Variants in TMEM258 observed in about 807,000 individuals in gnomAD.
The protein encoded by TMEM258 is dolichyl-diphosphooligosaccharide--protein glycosyltransferase subunit TMEM258.
In TMEM258, 11 loss-of-function variants were observed where a neutral mutation model predicts 9.9. The ratio of observed to expected loss-of-function variants is 1.11; its 90% CI spans 0.70 to 1.85. TMEM258 has a LOEUF of 1.85. TMEM258 is among the 40% of genes most tolerant of loss of function. The pLI is 0.00. For synonymous variants in TMEM258, 40 were observed against 39.1 expected (o/e 1.02, Z -0.09); for missense variants, 81 against 99.7 (o/e 0.81, Z 0.80).
intron 3 of TMEM258, 49 bp downstream of exon 3, chr11:61,789,736 C>G: frequency 1.3e-6 from 2 of 1,558,750 alleles, no homozygotes; most frequent in Admixed American, 3.8e-5. Flanking sequence ...GGAGGCTTCC[C>G]TGGGCTGTGC....
At position 61,789,813 on chromosome 11, in the gene TMEM258, C is replaced by T; in HGVS notation, c.222G>A (p.Trp74Ter). 6.2e-7 allele frequency: 1 copy of T among 1,613,338 alleles called. No homozygotes were observed. Among genetic ancestry groups the T allele is most frequent in the Non-Finnish European group, 8.5e-7 (1 of 1,179,640 alleles). ...TGGGTGCTCACACGTAGATGCCAACCCAGAGCAGCAGGAAGAGGACTCCAA... is the reference window on the plus strand; with the variant it reads ...TGGGTGCTCACACGTAGATGCCAACTCAGAGCAGCAGGAAGAGGACTCCAA... ...MGFGVLFLLL[W>*]VGIYV is the part of the protein sequence containing the mutation. Residue 74 changes from tryptophan (W) to a stop codon, truncating the protein, a stop_gained, in exon 3 of 4, where the codon TGG becomes TGA. Coordinates refer to ENST00000537328, the MANE Select transcript of TMEM258 (RefSeq NM_014206.4). LOFTEE classifies it high-confidence loss of function.
chr11:61,792,512 G>A (rs1393045137), intron 1 of TMEM258, 44 bp downstream of exon 1: 1 of 1,613,732 alleles, frequency 6.2e-7, no homozygotes, highest in South Asian at 1.1e-5. Context: ...CAGACCCCGA[G>A]GGGTCCTCGC....
intron 2 of TMEM258, 145 bp from the exon 3 acceptor site, chr11:61,790,066 G>A (rs1013959594): frequency 1.0e-6 from 1 of 999,224 alleles, no homozygotes; most frequent in Non-Finnish European, 1.4e-6. Flanking sequence ...AGGGGCCTAA[G>A]AGATGCCTTG....
intron 2 of TMEM258, chr11:61,790,134 C>T: frequency 1.6e-6 from 1 of 616,946 alleles, no homozygotes; most frequent in South Asian, 2.1e-5. Flanking sequence ...AGGTCACTTG[C>T]CCCAGGTCAC....
At chr11:61,789,999 A>G in intron 2 of TMEM258, 78 bp from the exon 3 acceptor site, 1 of 1,526,200 alleles carries the variant, frequency 6.6e-7, no homozygotes, top group Non-Finnish European at 8.8e-7. Context: ...ATCTGAGGAG[A>G]AAAGCATTGG....
At position 61,789,894 on chromosome 11, in the gene TMEM258, A is replaced by G. The variant is rs1591142947; in HGVS notation, c.141T>C (p.Thr47=). The change falls in exon 3 of 4, where the codon ACT becomes ACC. Residue 47 remains threonine, a synonymous_variant. Coordinates refer to ENST00000537328, the MANE Select transcript of TMEM258 (RefSeq NM_014206.4). ...FVYEVTSTKY[T]RDIYKELLIS... ...TGAGGAGCTCTTTATAGATATCACG[A>G]GTGTACTTGGTAGAGGTGACCTCGT... 1 of 1,613,396 alleles carries G rather than the reference A, an allele frequency of 6.2e-7. No individual in the cohort carries two copies.
chr11:61,789,959 T>G (rs767598687), intron 2 of TMEM258, 38 bp from the exon 3 acceptor site: 1 of 1,599,972 alleles, frequency 6.3e-7, no homozygotes, highest in Non-Finnish European at 8.5e-7. Flanking sequence ...AGGGGTGGAC[T>G]GTGGAGTGCA....
chr11:61,789,754 G>C (rs1248239514), intron 3 of TMEM258, 31 bp downstream of exon 3: 1 of 1,585,262 alleles, frequency 6.3e-7, no homozygotes, highest in Non-Finnish European at 8.6e-7. Context: ...TGCCTTGGAG[G>C]CTCACGCATC....
At chr11:61,790,639 C>G (rs753410970) in intron 1 of TMEM258, 37 bp from the exon 2 acceptor site, 1 of 1,564,954 alleles carries the variant, frequency 6.4e-7, no homozygotes, top group Non-Finnish European at 8.7e-7. Flanking sequence ...ATCAAAGAAT[C>G]CCACGATTTC....
chr11:61,790,014 A>G lies in TMEM258; in HGVS notation c.114-93T>C, dbSNP rs1247511514. 6.1e-6 allele frequency: 9 copies of G among 1,481,012 alleles called. No individual in the cohort carries two copies. The African/African-American group carries it at 7.0e-5, about 11-fold the overall frequency. The allele number at this position is 1,481,012 out of a possible 1,614,324, so 91.7% of individuals were successfully genotyped here. A position where few individuals can be genotyped will look rare whatever the true frequency, so the allele number is the denominator to read the frequency against. ...ATCTGAGGAGAAAAGCATTGGCTCA[A>G]TGCCTTCTGGGAGGCCTATCTGGCT... is the stretch of plus-strand genomic sequence containing the variant. On this transcript the variant is annotated intron_variant, in intron 2 of 3. Coordinates refer to ENST00000537328, the MANE Select transcript of TMEM258 (RefSeq NM_014206.4).
chr11:61,792,383 C>CCTTA, intron 1 of TMEM258, 173 bp downstream of exon 1: 1 of 858,520 alleles, frequency 1.2e-6, no homozygotes, highest in Admixed American at 2.4e-5. Context: ...AGCTGAGAAA[C>CCTTA]CTAAGGAGTT....
At position 61,790,699 on chromosome 11, in the gene TMEM258, C is replaced by G; in HGVS notation, c.4-97G>C. On this transcript the variant is annotated intron_variant, in intron 1 of 3. Transcript: ENST00000537328. Reference sequence around the variant, plus strand: ...CAAGGAGCCTGGTGCTGCCGTGAAACAGAGGCTGATTTTAGCCCGGAAATG... The same window carrying G: ...CAAGGAGCCTGGTGCTGCCGTGAAAGAGAGGCTGATTTTAGCCCGGAAATG... 4 of 1,058,526 alleles carry G rather than the reference C, an allele frequency of 3.8e-6. No individual in the cohort carries two copies. The South Asian group carries it at 4.9e-5, about 13-fold the overall frequency. The allele number at this position is 1,058,526 out of a possible 1,614,324, so 65.6% of individuals were successfully genotyped here.
At position 61,790,494 on chromosome 11, in the gene TMEM258, C is replaced by G; in HGVS notation, c.112G>C (p.Val38Leu). 6.2e-7 allele frequency: 1 copy of G among 1,613,370 alleles called. No homozygotes were observed. Among genetic ancestry groups the G allele is most frequent in the Non-Finnish European group, 8.5e-7 (1 of 1,179,582 alleles). The change falls in exon 2 of 4, where the codon GTT (valine) becomes CTT (leucine). Residue 38 changes from valine (V) to leucine (L), a missense_variant and splice_region_variant. Transcript: ENST00000537328. Reference sequence around the variant, plus strand: ...TCTGGCTGCTCAGTGAAAGGATACACGAAGAACCAGGCGGTGAAGAACATG... The same window carrying G: ...TCTGGCTGCTCAGTGAAAGGATACAGGAAGAACCAGGCGGTGAAGAACATG... ...IGMFFTAWFF[V>L]YEVTSTKYTR...
intron 1 of TMEM258, 50 bp downstream of exon 1, chr11:61,792,506 C>CCCCGAGGGTCAGGA (rs760297507): frequency 1.2e-6 from 2 of 1,613,684 alleles, no homozygotes; most frequent in East Asian, 4.5e-5. Flanking sequence ...GTGGGTCAGA[C>CCCCGAGGGTCAGGA]CCCGAGGGGT....
intron 1 of TMEM258, chr11:61,791,337 A>G (rs1378302731): frequency 6.6e-6 from 1 of 151,452 alleles, no homozygotes; most frequent in Non-Finnish European, 1.5e-5. Context: ...AACTCGGCTC[A>G]CTGCAAGCTC....
chr11:61,792,588 C>A lies in TMEM258; in HGVS notation c.-30G>T. 1 of 1,613,444 alleles carries A rather than the reference C, an allele frequency of 6.2e-7. No homozygotes were observed. On this transcript the variant is annotated 5_prime_UTR_variant, in exon 1 of 4. Transcript: ENST00000537328. ...CCCCGCGAAGGCTAATCCGCCGCTC[C>A]GCCACCGGAAGAACACGTCGGCAGG...
chr11:61,791,146 G>A (rs1748952802), intron 1 of TMEM258, among the ~76,000 whole-genome samples: 2 of 152,110 alleles, frequency 1.3e-5, no homozygotes, highest in Admixed American at 1.3e-4. Flanking sequence ...AGTAGAGATG[G>A]GGTTTTGCCA....
At chr11:61,792,384 C>G (rs1398322201) in intron 1 of TMEM258, 172 bp downstream of exon 1, 15 of 873,446 alleles carry the variant, frequency 1.7e-5, no homozygotes, top group Non-Finnish European at 2.6e-5. Context: ...GCTGAGAAAC[C>G]TAAGGAGTTC....
At chr11:61,790,635 G>T in intron 1 of TMEM258, 33 bp from the exon 2 acceptor site, 6 of 1,574,172 alleles carry the variant, frequency 3.8e-6, no homozygotes, top group Non-Finnish European at 5.2e-6. Context: ...AGCTATCAAA[G>T]AATCCCACGA....
Sources: gnomAD v4.1 joint callset for allele counts (sites outside exome capture counted in the v4.1 genomes callset) on GRCh38, gnomAD v4.1.1 for gene constraint, MANE v1.5 for transcripts, NCBI Gene and HGNC (gene_info 2026-07-23, HGNC 2026-07-21) for gene names.